DCDC2: variants seen among roughly 807,000 people sequenced by gnomAD.
The protein encoded by DCDC2 is doublecortin domain containing 2.
Under a neutral mutation model 50.2 loss-of-function variants are expected in DCDC2, and 40 were observed. The observed-to-expected ratio is 0.80, with a 90% CI of 0.62 to 1.04. The LOEUF is 1.04. Among genes scored for constraint, DCDC2 ranks in the 50% least tolerant of loss-of-function variants. DCDC2 has a pLI of 0.00. For missense variants in DCDC2, 570 were observed against 581.9 expected (o/e 0.98, Z 0.21); for synonymous variants, 234 against 210.6 (o/e 1.11, Z -0.96).
chr6:24,192,232 T>C (rs1341031544), intron 8 of DCDC2, among the ~76,000 whole-genome samples: 1 of 152,186 alleles, frequency 6.6e-6, no homozygotes, highest in Non-Finnish European at 1.5e-5. Context: ...GATCCCAAAA[T>C]GTTGACAGCT....
At chr6:24,235,867 G>C (rs150572763) in intron 7 of DCDC2, among the ~76,000 whole-genome samples, 1 of 151,972 alleles carries the variant, frequency 6.6e-6, no homozygotes, top group Non-Finnish European at 1.5e-5. Flanking sequence ...ATAGCCATAC[G>C]CAAAAATAAA....
intron 7 of DCDC2, among the ~76,000 whole-genome samples, chr6:24,258,638 A>T (rs1762945532): frequency 6.6e-6 from 1 of 152,218 alleles, no homozygotes; most frequent in Non-Finnish European, 1.5e-5. Flanking sequence ...TCAGAGAGCC[A>T]ATCCTTCAAG....
chr6:24,371,427 A>G, the DCDC2 span, among the ~76,000 whole-genome samples: 6 of 152,140 alleles, frequency 3.9e-5, no homozygotes, highest in Non-Finnish European at 8.8e-5. Flanking sequence ...AACAAGGTGA[A>G]ACCCTGTCTC....
intron 9 of DCDC2, among the ~76,000 whole-genome samples, chr6:24,175,866 T>C (rs1760897887): frequency 6.6e-6 from 1 of 152,218 alleles, no homozygotes; most frequent in Non-Finnish European, 1.5e-5. Context: ...ATTTGGTTTC[T>C]CATATATTTC....
chr6:24,358,841 ATTT>A (rs1760546165), upstream of DCDC2, among the ~76,000 whole-genome samples: 7 of 27,036 alleles, frequency 2.6e-4, no homozygotes, highest in East Asian at 9.4e-4. Context: ...TTATATATAT[ATTT>A]ATATATTATA....
At chr6:24,278,234 C>T (rs780235725) in intron 6 of DCDC2, 23 bp from the exon 7 acceptor site, 6 of 1,572,432 alleles carry the variant, frequency 3.8e-6, no homozygotes, top group Admixed American at 1.9e-5. Context: ...GTATTAGACC[C>T]TTATTATTAG....
Position 24,178,456 on chromosome 6 carries a change from G to A in DCDC2, c.1200C>T (p.Arg400=). 1 of 1,614,092 alleles carries A rather than the reference G, an allele frequency of 6.2e-7. No homozygotes were observed. The highest frequency in any genetic ancestry group is 8.5e-7 in the Non-Finnish European group (1 of 1,179,996). ...CGGTGCCTCCATTTACACGAGCAGG[G>A]CGTGCCTGCTGCTCACTGTGATCCA... is the stretch of plus-strand genomic sequence containing the variant. ...EILDHSEQQA[R]PARVNGGTDE... Residue 400 remains arginine (R), a synonymous_variant, in exon 9 of 10, where the codon CGC becomes CGT. Transcript: ENST00000378454.
At chr6:24,242,163 G>C (rs1762575513) in intron 7 of DCDC2, among the ~76,000 whole-genome samples, 1 of 152,102 alleles carries the variant, frequency 6.6e-6, no homozygotes, top group Admixed American at 6.5e-5. Flanking sequence ...GACAGAGTAA[G>C]ACCCTCTCTC....
At chr6:24,329,973 A>T (rs1040568656) in intron 2 of DCDC2, among the ~76,000 whole-genome samples, 2 of 152,136 alleles carry the variant, frequency 1.3e-5, no homozygotes, top group South Asian at 2.1e-4. Context: ...ACAAAGAAAA[A>T]ATTAGCTACT....
chr6:24,221,675 G>T (rs528495619), intron 7 of DCDC2, among the ~76,000 whole-genome samples: 1 of 152,180 alleles, frequency 6.6e-6, no homozygotes, highest in Non-Finnish European at 1.5e-5. Flanking sequence ...TGTCTACTAC[G>T]TGCTAAGTCC....
At chr6:24,205,581 C>T (rs1205276737) in intron 7 of DCDC2, among the ~76,000 whole-genome samples, 1 of 152,182 alleles carries the variant, frequency 6.6e-6, no homozygotes, top group Non-Finnish European at 1.5e-5. Context: ...AATGTTTTTA[C>T]TGCAGCCAAA....
chr6:24,275,393 T>C (rs1228976118), intron 7 of DCDC2, among the ~76,000 whole-genome samples: 2 of 152,200 alleles, frequency 1.3e-5, no homozygotes, highest in East Asian at 3.8e-4. Context: ...TGGTTTAATC[T>C]AGTGAACTGC....
intron 1 of DCDC2, 92 bp downstream of exon 1, chr6:24,357,366 G>A: frequency 4.3e-6 from 6 of 1,401,526 alleles, no homozygotes; most frequent in Non-Finnish European, 5.7e-6. Flanking sequence ...CTCAACCACT[G>A]AGGTGTGGGG....
chr6:24,232,121 T>A (rs1176259558), intron 7 of DCDC2, among the ~76,000 whole-genome samples: 4 of 152,036 alleles, frequency 2.6e-5, no homozygotes, highest in African/African-American at 7.2e-5. Flanking sequence ...ATAACAGATA[T>A]AAAAAGATAT....
upstream of DCDC2, among the ~76,000 whole-genome samples, chr6:24,358,753 A>ATATATTT (rs1488011285): frequency 1.1e-5 from 1 of 93,606 alleles, no homozygotes; most frequent in Non-Finnish European, 1.9e-5. Context: ...TTATTTATTT[A>ATATATTT]TTTATATATT....
At chr6:24,213,259 A>G (rs1208801781) in intron 7 of DCDC2, among the ~76,000 whole-genome samples, 6 of 152,178 alleles carry the variant, frequency 3.9e-5, no homozygotes, top group South Asian at 2.1e-4. Context: ...ATACTTTATA[A>G]AAATCTTAGT....
intron 7 of DCDC2, among the ~76,000 whole-genome samples, chr6:24,264,295 C>T (rs1763071063): frequency 6.6e-6 from 1 of 152,100 alleles, no homozygotes; most frequent in Non-Finnish European, 1.5e-5. Context: ...CCTGAAGGTA[C>T]AAAATTCACT....
At chr6:24,213,828 C>T (rs1581590488) in intron 7 of DCDC2, among the ~76,000 whole-genome samples, 1 of 152,174 alleles carries the variant, frequency 6.6e-6, no homozygotes, top group East Asian at 1.9e-4. Flanking sequence ...CCTGTCACAA[C>T]TTATATAATA....
chr6:24,273,362 A>C (rs898377703), intron 7 of DCDC2, among the ~76,000 whole-genome samples: 1 of 152,198 alleles, frequency 6.6e-6, no homozygotes, highest in African/African-American at 2.4e-5. Context: ...TTACACTAAA[A>C]GCCTGGACTT....
Sources: allele counts gnomAD v4.1 joint callset (sites outside exome capture counted in the v4.1 genomes callset), GRCh38; gene constraint gnomAD v4.1.1; transcripts MANE v1.5; gene names NCBI Gene and HGNC (gene_info 2026-07-23, HGNC 2026-07-21).